The following FHIT variants were observed in gnomAD, a reference collection of about 807,000 sequenced individuals.
The protein encoded by FHIT is fragile histidine triad diadenosine triphosphatase, also known as bis(5'-adenosyl)-triphosphatase.
Under a neutral mutation model 17.9 loss-of-function variants are expected in FHIT, and 19 were observed. The observed-to-expected ratio is 1.06, with a 90% CI of 0.74 to 1.56. The LOEUF (loss-of-function observed/expected upper bound fraction) is 1.56, where lower values mean the gene tolerates loss of function less well. Among genes scored for constraint, FHIT ranks in the 40% most tolerant of loss-of-function variants. FHIT has a pLI of 0.00. For synonymous variants in FHIT, 81 were observed against 69.7 expected, an observed-to-expected ratio of 1.16 and a Z score of -0.81; for missense variants, 248 against 189.2, an observed-to-expected ratio of 1.31 and a Z score of -1.82.
At chr3:60,995,935 T>A (rs950920722) in intron 3 of FHIT, among the ~76,000 whole-genome samples, 1 of 152,220 alleles carries the variant, frequency 6.6e-6, no homozygotes, top group Non-Finnish European at 1.5e-5. Flanking sequence ...TTTCCTCAAG[T>A]GGTTCTTAGC....
chr3:59,892,969 T>G (rs1703917986), intron 8 of FHIT, among the ~76,000 whole-genome samples: 1 of 152,206 alleles, frequency 6.6e-6, no homozygotes, highest in Admixed American at 6.5e-5. Flanking sequence ...GAATTTTAAG[T>G]GCCATATTTA....
intron 5 of FHIT, among the ~76,000 whole-genome samples, chr3:60,244,187 T>C (rs1156755208): frequency 1.3e-5 from 2 of 152,092 alleles, no homozygotes; most frequent in Admixed American, 6.6e-5. Flanking sequence ...TTTTCAACTG[T>C]TCATTCTAAT....
chr3:60,792,222 C>T (rs1444491617), intron 4 of FHIT, among the ~76,000 whole-genome samples: 5 of 152,146 alleles, frequency 3.3e-5, no homozygotes, highest in Non-Finnish European at 4.4e-5. Flanking sequence ...AGCACTACAC[C>T]AAAGAGAAAA....
chr3:60,025,244 T>TCC (rs1478818821), intron 5 of FHIT, among the ~76,000 whole-genome samples: 10 of 152,168 alleles, frequency 6.6e-5, no homozygotes, highest in Admixed American at 6.6e-4. Context: ...ACAGATAGGC[T>TCC]CCAGGGCTTC....
At chr3:60,468,044 C>T (rs1266508111) in intron 5 of FHIT, among the ~76,000 whole-genome samples, 1 of 152,022 alleles carries the variant, frequency 6.6e-6, no homozygotes, top group African/African-American at 2.4e-5. Flanking sequence ...CATATAATGA[C>T]CTTCTTTGTC....
chr3:60,052,959 A>T (rs1406366322), intron 5 of FHIT, among the ~76,000 whole-genome samples: 2 of 151,976 alleles, frequency 1.3e-5, no homozygotes, highest in Admixed American at 1.3e-4. Context: ...TAAAATATAA[A>T]ATTACACTTA....
At chr3:60,835,453 T>G (rs1702503965) in intron 3 of FHIT, among the ~76,000 whole-genome samples, 1 of 152,208 alleles carries the variant, frequency 6.6e-6, no homozygotes, top group Admixed American at 6.5e-5. Context: ...TTTATTGGAT[T>G]CACATAAGTA....
At chr3:60,237,140 A>G (rs145218400) in intron 5 of FHIT, among the ~76,000 whole-genome samples, 1 of 152,180 alleles carries the variant, frequency 6.6e-6, no homozygotes, top group African/African-American at 2.4e-5. Context: ...AAAAGCACCA[A>G]GAGTTTTCAA....
chr3:61,225,506 G>C (rs561688752), intron 1 of FHIT, among the ~76,000 whole-genome samples: 18 of 152,190 alleles, frequency 1.2e-4, no homozygotes, highest in Non-Finnish European at 1.9e-4. Flanking sequence ...CATGCTTCTT[G>C]TTGTAAACAA....
At chr3:60,640,532 ATATT>A (rs1362857288) in intron 4 of FHIT, among the ~76,000 whole-genome samples, 1 of 152,168 alleles carries the variant, frequency 6.6e-6, no homozygotes, top group Non-Finnish European at 1.5e-5. Flanking sequence ...TATTTTGAAA[ATATT>A]TATTGAGCTA....
chr3:60,200,636 C>T (rs2107492116), intron 5 of FHIT, among the ~76,000 whole-genome samples: 1 of 150,342 alleles, frequency 6.7e-6, no homozygotes, highest in African/African-American at 2.4e-5. Context: ...CAGTGTCTTT[C>T]TTCTGGAATC....
intron 4 of FHIT, among the ~76,000 whole-genome samples, chr3:60,756,011 T>G (rs1192332575): frequency 6.6e-6 from 1 of 152,244 alleles, no homozygotes; most frequent in African/African-American, 2.4e-5. Flanking sequence ...TGGTCAAATC[T>G]TGTAAAAGCC....
At position 60,607,590 on chromosome 3, in the gene FHIT, C is replaced by T. The variant is rs573676295; in HGVS notation, c.-17-70611G>A. Among the ~76,000 whole-genome samples, 81 of 152,034 alleles carry T rather than the reference C, an allele frequency of 5.3e-4. No homozygotes were observed. In the Middle Eastern group the frequency reaches 0.014, roughly 26 times the overall value. On this transcript the variant is annotated intron_variant, in intron 4 of 9. Coordinates refer to ENST00000492590, the MANE Select transcript of FHIT (RefSeq NM_002012.4). The stretch of plus-strand genomic sequence containing the variant: ...GAACATTCATTGTGTACTGAGTTCA[C>T]GTTTCTAGTATCACAATTTCCCACA...
chr3:59,800,196 G>A (rs1174404480), intron 8 of FHIT, among the ~76,000 whole-genome samples: 2 of 152,162 alleles, frequency 1.3e-5, no homozygotes, highest in Non-Finnish European at 2.9e-5. Context: ...GCAAAGCACT[G>A]GGTTATAATG....
chr3:60,540,500 G>C (rs540460962), intron 4 of FHIT, among the ~76,000 whole-genome samples: 1 of 152,132 alleles, frequency 6.6e-6, no homozygotes. Context: ...CTCCAGGTAC[G>C]TAACATCCAA....
intron 5 of FHIT, among the ~76,000 whole-genome samples, chr3:60,163,438 C>A (rs559531439): frequency 2.0e-5 from 3 of 152,164 alleles, no homozygotes; most frequent in Non-Finnish European, 4.4e-5. Flanking sequence ...CACCCCTCCA[C>A]GTACACATCA....
intron 4 of FHIT, among the ~76,000 whole-genome samples, chr3:60,651,436 T>C (rs2682949): frequency 0.97 from 147,564 of 152,180 alleles, 71,598 homozygotes; most frequent in East Asian, 1. Flanking sequence ...TTGAAAAATT[T>C]GGTATACCCA....
At chr3:60,297,473 G>A (rs377075101) in intron 5 of FHIT, among the ~76,000 whole-genome samples, 2 of 151,884 alleles carry the variant, frequency 1.3e-5, no homozygotes, top group East Asian at 1.9e-4. Context: ...TCTATATGCT[G>A]GTCTAATATC....
At chr3:60,390,522 G>A (rs992241708) in intron 5 of FHIT, among the ~76,000 whole-genome samples, 4 of 151,080 alleles carry the variant, frequency 2.6e-5, no homozygotes, top group Admixed American at 2.0e-4. Context: ...AATGTAAAAC[G>A]GCCTCAGGCA....
Sources: allele counts gnomAD v4.1 joint callset (sites outside exome capture counted in the v4.1 genomes callset), GRCh38; gene constraint gnomAD v4.1.1; transcripts MANE v1.5; gene names NCBI Gene and HGNC (gene_info 2026-07-23, HGNC 2026-07-21).